The following NFATC2 variants were observed in gnomAD, a reference collection of about 807,000 sequenced individuals.
NFATC2 encodes the protein nuclear factor of activated T-cells, cytoplasmic 2.
Under a neutral mutation model 87.3 loss-of-function variants are expected in NFATC2, and 22 were observed. The ratio of observed to expected loss-of-function variants is 0.25; its 90% CI spans 0.18 to 0.36. The LOEUF (loss-of-function observed/expected upper bound fraction) is 0.36, where lower values mean the gene tolerates loss of function less well. Among genes scored for constraint, NFATC2 ranks in the 10% least tolerant of loss-of-function variants. NFATC2 has a pLI of 1.00. For synonymous variants in NFATC2, 565 were observed against 542.2 expected (o/e 1.04, Z -0.58); for missense variants, 1,149 against 1,259.1 (o/e 0.91, Z 1.32).
At chr20:51,475,913 T>C (rs1988669758) in intron 3 of NFATC2, among the ~76,000 whole-genome samples, 1 of 152,138 alleles carries the variant, frequency 6.6e-6, no homozygotes, top group African/African-American at 2.4e-5. Flanking sequence ...ACTGCATTTA[T>C]GGAGAAACAG....
intron 5 of NFATC2, among the ~76,000 whole-genome samples, chr20:51,461,214 G>C (rs1987111088): frequency 6.6e-6 from 1 of 152,200 alleles, no homozygotes; most frequent in Admixed American, 6.5e-5. Context: ...GGTCCAGGGT[G>C]GGTGGGAGGC....
At chr20:51,463,181 C>T (rs1987329772) in intron 5 of NFATC2, among the ~76,000 whole-genome samples, 2 of 152,226 alleles carry the variant, frequency 1.3e-5, no homozygotes, top group South Asian at 2.1e-4. Context: ...CAGACAGGCC[C>T]CTCAGCCTCC....
intron 3 of NFATC2, among the ~76,000 whole-genome samples, chr20:51,504,999 C>CTTTTTTTTTTTT (rs34489487): frequency 1.4e-5 from 1 of 72,504 alleles, no homozygotes; most frequent in African/African-American, 6.4e-5. Flanking sequence ...TATCTAGTTC[C>CTTTTTTTTTTTT]TTTTTTTTTT....
At chr20:51,519,268 A>G (rs1280480318) in intron 2 of NFATC2, among the ~76,000 whole-genome samples, 1 of 152,180 alleles carries the variant, frequency 6.6e-6, no homozygotes, top group Non-Finnish European at 1.5e-5. Context: ...ATTCAGCGGC[A>G]TATCCCCAGG....
At chr20:51,437,131 AC>A (rs1443840625) in intron 6 of NFATC2, among the ~76,000 whole-genome samples, 17 of 134,152 alleles carry the variant, frequency 1.3e-4, no homozygotes, top group South Asian at 2.4e-4. Flanking sequence ...AAAAAAAAAA[AC>A]CCTGCATTTG....
chr20:51,472,629 C>CTTTTTT (rs1223762055), intron 5 of NFATC2, among the ~76,000 whole-genome samples: 45 of 92,710 alleles, frequency 4.9e-4, no homozygotes, highest in Middle Eastern at 6.8e-3. Flanking sequence ...CTTCTTTCTT[C>CTTTTTT]TTTTTTTTTT....
chr20:51,495,895 C>T (rs61658859), intron 3 of NFATC2, among the ~76,000 whole-genome samples: 2,235 of 152,242 alleles, frequency 0.015, 59 homozygotes, highest in African/African-American at 0.051. Flanking sequence ...CCATTTTTCC[C>T]AGGAGGAGGA....
chr20:51,488,852 A>G (rs2075829858), intron 3 of NFATC2, among the ~76,000 whole-genome samples: 1 of 152,154 alleles, frequency 6.6e-6, no homozygotes, highest in Non-Finnish European at 1.5e-5. Context: ...AGATCCTATC[A>G]CTTCCCTACT....
At chr20:51,435,094 A>G in intron 8 of NFATC2, 94 bp downstream of exon 8, 1 of 1,516,852 alleles carries the variant, frequency 6.6e-7, no homozygotes, top group South Asian at 1.3e-5. Flanking sequence ...TCATCTGTCC[A>G]AAGTTACCCG....
chr20:51,402,479 GA>G (rs11453961), intron 9 of NFATC2, among the ~76,000 whole-genome samples: 16 of 147,922 alleles, frequency 1.1e-4, no homozygotes, highest in Admixed American at 9.4e-4. Flanking sequence ...GCTGCCTTTG[GA>G]AAAAAAAAAA....
intron 9 of NFATC2, among the ~76,000 whole-genome samples, chr20:51,426,519 T>C (rs925091857): frequency 6.6e-6 from 1 of 152,036 alleles, no homozygotes; most frequent in Non-Finnish European, 1.5e-5. Flanking sequence ...ATCACATTTA[T>C]GGAAGATCCC....
intron 1 of NFATC2, among the ~76,000 whole-genome samples, chr20:51,540,989 A>G (rs2076807866): frequency 6.6e-6 from 1 of 152,054 alleles, no homozygotes; most frequent in African/African-American, 2.4e-5. Context: ...CCAGATTGCA[A>G]CTCTAGAAGA....
intron 1 of NFATC2, among the ~76,000 whole-genome samples, chr20:51,555,946 G>T (rs2076974618): frequency 6.6e-6 from 1 of 152,190 alleles, no homozygotes. Flanking sequence ...CCTATGAATG[G>T]GACCTTATTT....
intron 1 of NFATC2, among the ~76,000 whole-genome samples, chr20:51,556,473 C>T (rs147327904): frequency 1.5e-3 from 224 of 152,322 alleles, no homozygotes; most frequent in African/African-American, 5.1e-3. Context: ...TCCTGGCAAG[C>T]CTCATGAGGC....
chr20:51,522,980 A>C (rs2076473252), intron 2 of NFATC2, 101 bp downstream of exon 2: 1 of 1,476,026 alleles, frequency 6.8e-7, no homozygotes, highest in Admixed American at 2.0e-5. Flanking sequence ...AAATCCATTT[A>C]AAGTCAGTCT....
At chr20:51,440,845 A>T (rs1405839431) in intron 6 of NFATC2, among the ~76,000 whole-genome samples, 1 of 152,210 alleles carries the variant, frequency 6.6e-6, no homozygotes, top group Non-Finnish European at 1.5e-5. Flanking sequence ...TGCGGTTTGC[A>T]AGGTACCTTG....
chr20:51,456,893 C>T (rs1015072090), intron 5 of NFATC2, among the ~76,000 whole-genome samples: 2 of 152,212 alleles, frequency 1.3e-5, no homozygotes, highest in African/African-American at 2.4e-5. Context: ...CAGGAGTCGC[C>T]GTGCACCAGC....
chr20:51,390,442 T>C lies in NFATC2; in HGVS notation c.*1054A>G, dbSNP rs777664473. 2.6e-5 allele frequency: 4 copies of C among 152,226 alleles called. No homozygotes were observed. Among genetic ancestry groups the C allele is most frequent in the Non-Finnish European group, 5.9e-5 (4 of 68,040 alleles). The allele number at this position is 152,226 out of a possible 1,614,324, so 9.4% of individuals were successfully genotyped here. A position where few individuals can be genotyped will look rare whatever the true frequency, so the allele number is the denominator to read the frequency against. On this transcript the variant is annotated 3_prime_UTR_variant, in exon 11 of 11. Coordinates refer to ENST00000371564, the MANE Select transcript of NFATC2 (RefSeq NM_012340.5). Reference sequence around the variant, plus strand: ...CTTTAGCCCTTCTGCTATTCCTCAATTAAATGCACATGCTTGAGATTCTCC... The same window carrying C: ...CTTTAGCCCTTCTGCTATTCCTCAACTAAATGCACATGCTTGAGATTCTCC...
intron 3 of NFATC2, among the ~76,000 whole-genome samples, chr20:51,479,459 A>T (rs1989036835): frequency 6.6e-6 from 1 of 152,170 alleles, no homozygotes; most frequent in Non-Finnish European, 1.5e-5. Context: ...TCCACCAAAA[A>T]AATGCAAAAA....
Sources: gnomAD v4.1 joint callset for allele counts (sites outside exome capture counted in the v4.1 genomes callset) on GRCh38, gnomAD v4.1.1 for gene constraint, MANE v1.5 for transcripts, NCBI Gene and HGNC (gene_info 2026-07-23, HGNC 2026-07-21) for gene names.